Variants in MICU2 observed in about 807,000 individuals in gnomAD.
MICU2 encodes mitochondrial calcium uptake 2.
In MICU2, 64 loss-of-function variants were observed where a neutral mutation model predicts 60.4. That is an observed-to-expected ratio of 1.06 (90% CI 0.87 to 1.31). The LOEUF (loss-of-function observed/expected upper bound fraction) is 1.31, where lower values mean the gene tolerates loss of function less well. MICU2 is among the 50% of genes most tolerant of loss of function. MICU2 has a pLI of 0.00. For missense variants in MICU2, 569 were observed against 531.0 expected, an observed-to-expected ratio of 1.07 and a Z score of -0.70; for synonymous variants, 201 against 175.0, an observed-to-expected ratio of 1.15 and a Z score of -1.17.
At chr13:21,564,390 G>A (rs1298073305) in intron 2 of MICU2, among the ~76,000 whole-genome samples, 1 of 152,024 alleles carries the variant, frequency 6.6e-6, no homozygotes, top group Non-Finnish European at 1.5e-5. Context: ...CTCCCCCGTT[G>A]TCTTTTCTCT....
intron 1 of MICU2, among the ~76,000 whole-genome samples, chr13:21,598,003 G>A (rs980803508): frequency 2.0e-5 from 3 of 148,734 alleles, no homozygotes; most frequent in Non-Finnish European, 4.5e-5. Context: ...ACTGATAACA[G>A]AGAAGACTTT....
chr13:21,497,088 A>C (rs1886018928), intron 9 of MICU2, among the ~76,000 whole-genome samples: 1 of 151,126 alleles, frequency 6.6e-6, no homozygotes, highest in Non-Finnish European at 1.5e-5. Context: ...ACAAACAAAC[A>C]AACGGGCTGG....
chr13:21,538,439 GTGCACACCTGTAGTCCCAGCAGGC>G (rs1469290415), intron 4 of MICU2, among the ~76,000 whole-genome samples: 16 of 151,248 alleles, frequency 1.1e-4, no homozygotes, highest in African/African-American at 3.9e-4. Context: ...ATGTATGGTG[GTGCACACCTGTAGTCCCAGCAGGC>G]TGCAGCAGGA....
chr13:21,536,410 C>T (rs1310661586), intron 4 of MICU2, among the ~76,000 whole-genome samples: 1 of 152,014 alleles, frequency 6.6e-6, no homozygotes, highest in African/African-American at 2.4e-5. Context: ...CAATTGCAAC[C>T]TCAACCTCTC....
chr13:21,540,599 G>A (rs1258942426), intron 2 of MICU2, among the ~76,000 whole-genome samples: 2 of 152,112 alleles, frequency 1.3e-5, no homozygotes, highest in Non-Finnish European at 2.9e-5. Context: ...TTAGTAAACT[G>A]TCAGGATTTT....
At chr13:21,565,607 A>C (rs1887961348) in intron 2 of MICU2, among the ~76,000 whole-genome samples, 1 of 152,134 alleles carries the variant, frequency 6.6e-6, no homozygotes, top group Admixed American at 6.5e-5. Context: ...GCAGTGAGCC[A>C]AGATCGCGCC....
At chr13:21,566,760 G>C in intron 2 of MICU2, 37 bp downstream of exon 2, 1 of 1,495,886 alleles carries the variant, frequency 6.7e-7, no homozygotes, top group African/African-American at 1.5e-5. Context: ...CCTGAAGTCT[G>C]ATTTTTTTAA....
At position 21,600,492 on chromosome 13, in the gene MICU2, G is replaced by A. The variant is rs181823306; in HGVS notation, c.210+3447C>T. Among the ~76,000 whole-genome samples, 24 of 152,154 alleles carry A rather than the reference G, an allele frequency of 1.6e-4. No individual in the cohort carries two copies. In the South Asian group the frequency reaches 3.1e-3, roughly 20 times the overall value. ...TTTATCACATTGTATTAAAACTGCC[G>A]TTCCCCATTAAACTGTAAGCACATA... On this transcript the variant is annotated intron_variant, in intron 1 of 11. Coordinates refer to ENST00000382374, the MANE Select transcript of MICU2 (RefSeq NM_152726.3).
At chr13:21,554,924 A>C (rs968568790) in intron 2 of MICU2, among the ~76,000 whole-genome samples, 2 of 152,232 alleles carry the variant, frequency 1.3e-5, no homozygotes, top group Non-Finnish European at 2.9e-5. Flanking sequence ...ATCTAGAAGA[A>C]ATGGATAAAT....
chr13:21,503,816 T>C (rs1210410992), intron 8 of MICU2, among the ~76,000 whole-genome samples: 1 of 152,212 alleles, frequency 6.6e-6, no homozygotes, highest in African/African-American at 2.4e-5. Flanking sequence ...AGTATTATCA[T>C]CTCCATGCAT....
rs75238402 is a variant in MICU2, at chr13:21,566,684, T to C, written c.358+113A>G. On this transcript the variant is annotated intron_variant, in intron 2 of 11. Coordinates refer to ENST00000382374, the MANE Select transcript of MICU2 (RefSeq NM_152726.3). ...AGAAAAGTCTAAATAAGCAAATGCA[T>C]GGTACAAAGATGATAATTAAAATGA... 5,333 of 836,844 alleles carry C rather than the reference T, an allele frequency of 6.4e-3. 206 individuals carry two copies. The African/African-American group carries it at 0.082, about 13-fold the overall frequency. 51.8% of individuals were successfully genotyped at this position (836,844 alleles called of 1,614,324 possible). A position where few individuals can be genotyped will look rare whatever the true frequency, so the allele number is the denominator to read the frequency against.
chr13:21,539,656 C>G lies in MICU2; in HGVS notation c.390+1G>C, dbSNP rs774913545. 1.2e-6 allele frequency: 2 copies of G among 1,614,024 alleles called. No homozygotes were observed. Among genetic ancestry groups the G allele is most frequent in the South Asian group, 2.2e-5 (2 of 91,080 alleles). ...CCTGCCCCCCACAACATGATGCTTACCTTTTTTGTCAGCTTCTTGACTGAA... is the reference window on the plus strand; with the variant it reads ...CCTGCCCCCCACAACATGATGCTTAGCTTTTTTGTCAGCTTCTTGACTGAA... On this transcript the variant is annotated splice_donor_variant, in intron 3 of 11. Transcript: ENST00000382374. LOFTEE classifies it high-confidence loss of function.
intron 1 of MICU2, chr13:21,603,577 A>G: frequency 3.2e-6 from 1 of 315,536 alleles, no homozygotes; most frequent in Non-Finnish European, 5.9e-6. Flanking sequence ...CACTGACCAG[A>G]GAGGTAGCAA....
chr13:21,497,098 G>A (rs1886019396), intron 9 of MICU2, among the ~76,000 whole-genome samples: 1 of 150,614 alleles, frequency 6.6e-6, no homozygotes, highest in Non-Finnish European at 1.5e-5. Context: ...AAACGGGCTG[G>A]GTGCTGTGGC....
At chr13:21,516,680 C>G (rs1886577622) in intron 6 of MICU2, among the ~76,000 whole-genome samples, 1 of 152,140 alleles carries the variant, frequency 6.6e-6, no homozygotes, top group African/African-American at 2.4e-5. Context: ...TTGATGTGAC[C>G]AGTCTTCTTA....
At chr13:21,497,376 A>G (rs983943616) in intron 9 of MICU2, among the ~76,000 whole-genome samples, 1 of 152,078 alleles carries the variant, frequency 6.6e-6, no homozygotes, top group Admixed American at 6.6e-5. Flanking sequence ...AAACAAACAA[A>G]TAAATAAAAA....
At chr13:21,506,724 T>C (rs1353874748) in intron 8 of MICU2, among the ~76,000 whole-genome samples, 1 of 152,020 alleles carries the variant, frequency 6.6e-6, no homozygotes, top group Non-Finnish European at 1.5e-5. Flanking sequence ...GGATGGGGAG[T>C]CCCTTTTCCT....
intron 2 of MICU2, among the ~76,000 whole-genome samples, chr13:21,546,946 T>C (rs2040060): frequency 0.53 from 80,358 of 152,048 alleles, 23,524 homozygotes; most frequent in Non-Finnish European, 0.68. Context: ...AAGACAGCTT[T>C]ATTTCTCTCT....
At chr13:21,597,703 G>C in intron 1 of MICU2, among the ~76,000 whole-genome samples, 1 of 152,024 alleles carries the variant, frequency 6.6e-6, no homozygotes, top group Non-Finnish European at 1.5e-5. Context: ...AGGCCGAGGC[G>C]GGTGGATCAC....
Sources: gnomAD v4.1 joint callset for allele counts (sites outside exome capture counted in the v4.1 genomes callset) on GRCh38, gnomAD v4.1.1 for gene constraint, MANE v1.5 for transcripts, NCBI Gene and HGNC (gene_info 2026-07-23, HGNC 2026-07-21) for gene names.